Variants in SH3PXD2B observed in about 807,000 individuals in gnomAD.
The protein encoded by SH3PXD2B is SH3 and PX domain-containing protein 2B.
In SH3PXD2B, 37 loss-of-function variants were observed where a neutral mutation model predicts 73.1. The observed-to-expected ratio is 0.51, with a 90% CI of 0.39 to 0.67. The LOEUF (loss-of-function observed/expected upper bound fraction) is 0.67, where lower values mean the gene tolerates loss of function less well. SH3PXD2B is among the 30% of genes least tolerant of loss of function. The probability of loss-of-function intolerance (pLI) is 0.00; values close to 1 mark genes in which losing one functional copy is unlikely to be tolerated. For synonymous variants in SH3PXD2B, 457 were observed against 480.5 expected (o/e 0.95, Z 0.64); for missense variants, 1,053 against 1,197.8 (o/e 0.88, Z 1.78).
intron 1 of SH3PXD2B, among the ~76,000 whole-genome samples, chr5:172,447,492 T>C (rs1433960130): frequency 6.6e-6 from 1 of 152,234 alleles, no homozygotes; most frequent in East Asian, 1.9e-4. Flanking sequence ...ACACTCCTAA[T>C]ATAGTTTACC....
downstream of SH3PXD2B, chr5:172,333,440 C>T: frequency 3.9e-6 from 4 of 1,013,884 alleles, 1 homozygote; most frequent in South Asian, 6.9e-5. Context: ...CCCGAAGATC[C>T]CAGGCCACAA....
rs886060415 is a variant in SH3PXD2B, at chr5:172,337,023, C to T, written c.*1346G>A. 3.1e-5 allele frequency: 31 copies of T among 985,462 alleles called. No homozygotes were observed. The highest frequency in any genetic ancestry group is 4.7e-5 in the South Asian group (1 of 21,296). The allele number at this position is 985,462 out of a possible 1,614,324, so 61.0% of individuals were successfully genotyped here. On this transcript the variant is annotated 3_prime_UTR_variant, in exon 13 of 13. Transcript: ENST00000311601. Reference sequence around the variant, plus strand: ...GCTGCATGCTATGCTCAGAGCCCTCCAGGCTGGCCCTCGAGGCCACCTCAG... The same window carrying T: ...GCTGCATGCTATGCTCAGAGCCCTCTAGGCTGGCCCTCGAGGCCACCTCAG...
chr5:172,406,275 A>G lies in SH3PXD2B; in HGVS notation c.232+2T>C. On this transcript the variant is annotated splice_donor_variant, in intron 3 of 12. Coordinates refer to ENST00000311601, the MANE Select transcript of SH3PXD2B (RefSeq NM_001017995.3). LOFTEE classifies it high-confidence loss of function. ...CAGTCTGAGAGCACCCATCTCACCT[A>G]CCTGGCAGAAAGGGGATGATCCGCT... 2 of 1,613,986 alleles carry G rather than the reference A, an allele frequency of 1.2e-6. No individual in the cohort carries two copies. The highest frequency in any genetic ancestry group is 1.7e-6 in the Non-Finnish European group (2 of 1,179,952).
chr5:172,331,920 T>C (rs1467977733), downstream of SH3PXD2B, among the ~76,000 whole-genome samples: 1 of 152,206 alleles, frequency 6.6e-6, no homozygotes. Flanking sequence ...CACTCCAGCC[T>C]GGGTGACAAG....
At position 172,414,148 on chromosome 5, in the gene SH3PXD2B, G is replaced by A. The variant is rs532007129; in HGVS notation, c.157-7796C>T. Among the ~76,000 whole-genome samples the A allele has an allele frequency of 7.2e-5, 11 of 152,326 alleles. 1 individual carries two copies. In the South Asian group the frequency reaches 1.7e-3, roughly 23 times the overall value. On this transcript the variant is annotated intron_variant, in intron 2 of 12. Coordinates refer to ENST00000311601, the MANE Select transcript of SH3PXD2B (RefSeq NM_001017995.3). ...GGGCTGTTAAACTCCCAAGAGGGCC[G>A]AGGTGGAAGGACCAGGGTCTTAGAA... is the stretch of plus-strand genomic sequence containing the variant.
chr5:172,436,725 G>C (rs1007677464), intron 1 of SH3PXD2B, among the ~76,000 whole-genome samples: 1 of 152,200 alleles, frequency 6.6e-6, no homozygotes, highest in Non-Finnish European at 1.5e-5. Flanking sequence ...GAGGGGCTAG[G>C]GCTTCCGCTC....
intron 1 of SH3PXD2B, among the ~76,000 whole-genome samples, chr5:172,444,388 T>G (rs190746717): frequency 4.8e-4 from 73 of 152,320 alleles, no homozygotes; most frequent in Non-Finnish European, 8.8e-4. Flanking sequence ...TCTGTTTGGC[T>G]TAAGTTAGCC....
At chr5:172,387,224 A>C (rs1443761228) in intron 4 of SH3PXD2B, among the ~76,000 whole-genome samples, 1 of 152,180 alleles carries the variant, frequency 6.6e-6, no homozygotes, top group African/African-American at 2.4e-5. Context: ...TGTGTGTTCC[A>C]TTTAAGCTAC....
chr5:172,333,819 G>GA lies in SH3PXD2B; in HGVS notation c.*4549dup. The GA allele has an allele frequency of 7.8e-7, 1 of 1,288,646 alleles. No homozygotes were observed. Among genetic ancestry groups the GA allele is most frequent in the Non-Finnish European group, 1.0e-6 (1 of 988,582 alleles). The allele number at this position is 1,288,646 out of a possible 1,614,324, so 79.8% of individuals were successfully genotyped here. On this transcript the variant is annotated 3_prime_UTR_variant, in exon 13 of 13. Transcript: ENST00000311601. Reference sequence around the variant, plus strand: ...GTTACTTGGAAGCTCCCCAAAGCAGGAAATGTGGGTTGTAATCAAGGTGGC... The same window carrying GA: ...GTTACTTGGAAGCTCCCCAAAGCAGGAAAATGTGGGTTGTAATCAAGGTGGC...
At chr5:172,325,442 G>A (rs1201853284) in intron 12 of SH3PXD2B, 12 of 1,143,354 alleles carry the variant, frequency 1.0e-5, no homozygotes, top group Admixed American at 4.1e-5. Context: ...AAAGACTAAC[G>A]TGGCCTGGGA....
intron 2 of SH3PXD2B, among the ~76,000 whole-genome samples, chr5:172,416,694 CTCTTTTTTTTTTTTT>C (rs1307867297): frequency 1.3e-5 from 1 of 78,258 alleles, no homozygotes; most frequent in Non-Finnish European, 2.2e-5. Context: ...CTCTCTCTCT[CTCTTTTTTTTTTTTT>C]TTTTTTTTTT....
At chr5:172,420,903 A>G (rs561534158) in intron 2 of SH3PXD2B, among the ~76,000 whole-genome samples, 1 of 152,054 alleles carries the variant, frequency 6.6e-6, no homozygotes, top group African/African-American at 2.4e-5. Context: ...TGAGAGGAAG[A>G]AGCCAGATCA....
intron 1 of SH3PXD2B, among the ~76,000 whole-genome samples, chr5:172,441,000 G>C (rs889689348): frequency 3.9e-5 from 6 of 152,176 alleles, no homozygotes; most frequent in Non-Finnish European, 8.8e-5. Flanking sequence ...ACGTAAGCAA[G>C]AGTGAGCTCC....
chr5:172,358,696 G>T, intron 8 of SH3PXD2B, 77 bp downstream of exon 8: 2 of 1,318,806 alleles, frequency 1.5e-6, no homozygotes, highest in Non-Finnish European at 2.1e-6. Context: ...AGAAGAGATT[G>T]GATGAAAAGG....
intron 1 of SH3PXD2B, among the ~76,000 whole-genome samples, chr5:172,451,524 T>C (rs1273181917): frequency 6.6e-6 from 1 of 152,124 alleles, no homozygotes; most frequent in Non-Finnish European, 1.5e-5. Context: ...CAAAGAATGA[T>C]CCAGCCCCAA....
chr5:172,408,534 C>CTTTT (rs34377327), intron 2 of SH3PXD2B, among the ~76,000 whole-genome samples: 1,110 of 92,584 alleles, frequency 0.012, 40 homozygotes, highest in East Asian at 0.031. Flanking sequence ...TGGGTTATCA[C>CTTTT]TTTTTTTTTT....
chr5:172,373,869 A>G (rs887037857), intron 5 of SH3PXD2B, 54 bp from the exon 6 acceptor site: 1 of 1,595,074 alleles, frequency 6.3e-7, no homozygotes, highest in African/African-American at 1.3e-5. Flanking sequence ...CTTGCCATGT[A>G]TTGACGTGAG....
At chr5:172,344,198 T>C (rs927111790) in intron 12 of SH3PXD2B, among the ~76,000 whole-genome samples, 1 of 152,088 alleles carries the variant, frequency 6.6e-6, no homozygotes, top group Non-Finnish European at 1.5e-5. Flanking sequence ...AATGCTGTGG[T>C]TCCATTAATG....
intron 12 of SH3PXD2B, among the ~76,000 whole-genome samples, chr5:172,341,461 T>C (rs1172631751): frequency 6.6e-6 from 1 of 152,126 alleles, no homozygotes; most frequent in East Asian, 1.9e-4. Context: ...TGGTGTCTCC[T>C]TGCCACTCTC....
Sources: gnomAD v4.1 joint callset for allele counts (sites outside exome capture counted in the v4.1 genomes callset) on GRCh38, gnomAD v4.1.1 for gene constraint, MANE v1.5 for transcripts, NCBI Gene and HGNC (gene_info 2026-07-23, HGNC 2026-07-21) for gene names.